The following SLC24A4 variants were observed in gnomAD, a reference collection of about 807,000 sequenced individuals.
The protein encoded by SLC24A4 is sodium/potassium/calcium exchanger 4.
SLC24A4 carries 53 observed loss-of-function variants against 79.0 expected under a neutral mutation model. The ratio of observed to expected loss-of-function variants is 0.67; its 90% CI spans 0.54 to 0.84. The LOEUF (loss-of-function observed/expected upper bound fraction) is 0.84, where lower values mean the gene tolerates loss of function less well. Ranked by LOEUF, SLC24A4 falls within the 40% of genes least tolerant of loss-of-function variation. The pLI is 0.00. For synonymous variants in SLC24A4, 323 were observed against 323.8 expected (o/e 1.00, Z 0.03); for missense variants, 731 against 822.0 (o/e 0.89, Z 1.35).
At chr14:92,455,820 C>T (rs919888812) in intron 11 of SLC24A4, among the ~76,000 whole-genome samples, 2 of 152,084 alleles carry the variant, frequency 1.3e-5, no homozygotes, top group African/African-American at 2.4e-5. Flanking sequence ...CCTGCCTCAG[C>T]CTCCTAAGTA....
rs1454453070 is a variant in SLC24A4 at position 92,501,295 on chromosome 14, A to G, written c.*7667A>G. 1 of 152,220 alleles carries G rather than the reference A, an allele frequency of 6.6e-6. No individual in the cohort carries two copies. The allele number at this position is 152,220 out of a possible 1,614,324, so 9.4% of individuals were successfully genotyped here. A position where few individuals can be genotyped will look rare whatever the true frequency, so the allele number is the denominator to read the frequency against. On this transcript the variant is annotated 3_prime_UTR_variant, in exon 17 of 17. Coordinates refer to ENST00000532405, the MANE Select transcript of SLC24A4 (RefSeq NM_153646.4). The stretch of plus-strand genomic sequence containing the variant: ...TCTGTGACATGAGATTCTTAGTTTA[A>G]TAAAACTGTCATTAAATTTGAATGA...
At position 92,430,597 on chromosome 14, in the gene SLC24A4, A is replaced by G. The variant is rs564810123; in HGVS notation, c.242-3315A>G. On this transcript the variant is annotated intron_variant, in intron 2 of 16. Coordinates refer to ENST00000532405, the MANE Select transcript of SLC24A4 (RefSeq NM_153646.4). The stretch of plus-strand genomic sequence containing the variant: ...GGATGGGTGCACGGGAGGGAGGCAG[A>G]TGCCTGGGGTGTGAGGACACCTGGG... Among the ~76,000 whole-genome samples, 7 of 152,322 alleles carry G rather than the reference A, an allele frequency of 4.6e-5. No individual in the cohort carries two copies. The East Asian group carries it at 1.4e-3, about 29-fold the overall frequency.
chr14:92,441,958 A>G lies in SLC24A4; in HGVS notation c.394-131A>G. 3.1e-6 allele frequency: 2 copies of G among 645,122 alleles called. No individual in the cohort carries two copies. The highest frequency in any genetic ancestry group is 2.8e-6 in the Non-Finnish European group (1 of 363,270). The allele number at this position is 645,122 out of a possible 1,614,324, so 40.0% of individuals were successfully genotyped here. A position where few individuals can be genotyped will look rare whatever the true frequency, so the allele number is the denominator to read the frequency against. On this transcript the variant is annotated intron_variant, in intron 4 of 16. Transcript: ENST00000532405. This position sits in a 1 kb window ranked among gnomAD's most constrained non-coding sequence, Gnocchi z 4.6. Reference sequence around the variant, plus strand: ...CACACAGCATGTGCCCAGGGGTGAGAGGCTGCAGGCAGACGAGTTTGCCTC... The same window carrying G: ...CACACAGCATGTGCCCAGGGGTGAGGGGCTGCAGGCAGACGAGTTTGCCTC...
intron 2 of SLC24A4, among the ~76,000 whole-genome samples, chr14:92,376,504 C>G (rs569220219): frequency 6.6e-6 from 1 of 152,242 alleles, no homozygotes; most frequent in Non-Finnish European, 1.5e-5. Context: ...CTCTGTGATC[C>G]GTCCATGGTA....
intron 12 of SLC24A4, among the ~76,000 whole-genome samples, chr14:92,480,876 T>C (rs1028693929): frequency 2.6e-5 from 4 of 152,238 alleles, no homozygotes; most frequent in Non-Finnish European, 4.4e-5. Flanking sequence ...GTTGTTACTC[T>C]TTATTATTGT....
chr14:92,439,467 A>G (rs570025483), intron 4 of SLC24A4, 58 bp downstream of exon 4: 6 of 1,516,226 alleles, frequency 4.0e-6, no homozygotes, highest in South Asian at 2.3e-5. Context: ...TGGGACATAA[A>G]TGCCAAGCCA....
At chr14:92,386,635 A>G (rs1889173047) in intron 2 of SLC24A4, among the ~76,000 whole-genome samples, 1 of 152,044 alleles carries the variant, frequency 6.6e-6, no homozygotes, top group Non-Finnish European at 1.5e-5. Context: ...CTCTCCTCTC[A>G]CCCTAAAAGG....
At chr14:92,442,688 C>G (rs2139812661) in intron 5 of SLC24A4, 25 bp from the exon 6 acceptor site, 1 of 1,558,234 alleles carries the variant, frequency 6.4e-7, no homozygotes, top group South Asian at 1.1e-5. Context: ...GGCTGAGGCC[C>G]AGGGTCTGTG....
At chr14:92,454,149 C>A in intron 11 of SLC24A4, 80 bp downstream of exon 11, 1 of 1,434,926 alleles carries the variant, frequency 7.0e-7, no homozygotes, top group South Asian at 1.3e-5. Flanking sequence ...TTCCTGGTGC[C>A]ATTGATCACT....
At chr14:92,390,899 G>A (rs1286134208) in intron 2 of SLC24A4, among the ~76,000 whole-genome samples, 2 of 152,210 alleles carry the variant, frequency 1.3e-5, no homozygotes, top group Non-Finnish European at 2.9e-5. Context: ...CCTCATTTAT[G>A]CAACACTGCA....
At chr14:92,424,904 G>A (rs897567226) in intron 2 of SLC24A4, among the ~76,000 whole-genome samples, 1 of 92,770 alleles carries the variant, frequency 1.1e-5, no homozygotes, top group Non-Finnish European at 2.5e-5. Flanking sequence ...ACAAAACCCA[G>A]CTCTTGCGGG....
rs77498932 is a variant in SLC24A4, at chr14:92,333,751, C to G, written c.241+7773C>G. 9.9e-5 allele frequency among the ~76,000 whole-genome samples: 15 copies of G among 151,924 alleles called. No individual in the cohort carries two copies. The East Asian group carries it at 2.7e-3, about 28-fold the overall frequency. ...TAGATGGAGAATCTTCTGTGATCAGCTTGCTTCTGATCCACCCTTACTTTT... is the reference window on the plus strand; with the variant it reads ...TAGATGGAGAATCTTCTGTGATCAGGTTGCTTCTGATCCACCCTTACTTTT... On this transcript the variant is annotated intron_variant, in intron 2 of 16. Transcript: ENST00000532405.
At chr14:92,455,381 C>T (rs35188103) in intron 11 of SLC24A4, among the ~76,000 whole-genome samples, 35,588 of 152,144 alleles carry the variant, frequency 0.23, 4,446 homozygotes, top group Non-Finnish European at 0.27. Flanking sequence ...ATAGGCAAAG[C>T]CATATCGTGG....
chr14:92,326,892 A>G (rs908236062), intron 2 of SLC24A4, among the ~76,000 whole-genome samples: 2 of 152,090 alleles, frequency 1.3e-5, no homozygotes. Flanking sequence ...TGCCTGTTGT[A>G]GGGTTGTTGG....
At chr14:92,389,451 C>T (rs1258168907) in intron 2 of SLC24A4, among the ~76,000 whole-genome samples, 7 of 152,162 alleles carry the variant, frequency 4.6e-5, no homozygotes, top group Admixed American at 3.3e-4. Flanking sequence ...ACAGATTCTC[C>T]AAGCCCTGCC....
rs1895849749 is a variant in SLC24A4, at chr14:92,494,258, T to C, written c.*630T>C. ...TTTTCTGTGGAAGAGAGAAAATGAG[T>C]GAATATTCTTCTCACTTTTATTGAT... On this transcript the variant is annotated 3_prime_UTR_variant, in exon 17 of 17. Transcript: ENST00000532405. This position sits in a 1 kb window ranked among gnomAD's most constrained non-coding sequence, Gnocchi z 4.6. The C allele has an allele frequency of 6.6e-6, 1 of 152,616 alleles. No homozygotes were observed. Among genetic ancestry groups the C allele is most frequent in the Non-Finnish European group, 1.5e-5 (1 of 68,096 alleles). 9.5% of individuals were successfully genotyped at this position (152,616 alleles called of 1,614,324 possible).
chr14:92,474,843 G>GTGTGTGTGTGTGTGTATATATA (rs779007741), intron 12 of SLC24A4, among the ~76,000 whole-genome samples: 1 of 23,886 alleles, frequency 4.2e-5, no homozygotes, highest in African/African-American at 9.8e-5. Flanking sequence ...GTGTGTGTGT[G>GTGTGTGTGTGTGTGTATATATA]TATATATATA....
chr14:92,404,215 G>A (rs1488444973), intron 2 of SLC24A4, among the ~76,000 whole-genome samples: 1 of 152,112 alleles, frequency 6.6e-6, no homozygotes, highest in African/African-American at 2.4e-5. Flanking sequence ...CATCGTCTCT[G>A]GCTGGACTAT....
intron 2 of SLC24A4, among the ~76,000 whole-genome samples, chr14:92,403,864 T>C (rs982195125): frequency 7.5e-6 from 1 of 133,742 alleles, no homozygotes; most frequent in Non-Finnish European, 1.6e-5. Context: ...GCTGTTTTCC[T>C]ACATTACATG....
Sources: allele counts gnomAD v4.1 joint callset (sites outside exome capture counted in the v4.1 genomes callset), GRCh38; gene constraint gnomAD v4.1.1; non-coding constraint Gnocchi (gnomAD v3.1); transcripts MANE v1.5; gene names NCBI Gene and HGNC (gene_info 2026-07-23, HGNC 2026-07-21).